The following RNLS variants were observed in gnomAD, a reference collection of about 807,000 sequenced individuals.
RNLS encodes renalase, FAD dependent amine oxidase.
A neutral mutation model predicts 39.8 loss-of-function variants in RNLS; 39 were observed. That is an observed-to-expected ratio of 0.98 (90% CI 0.76 to 1.28). The LOEUF (loss-of-function observed/expected upper bound fraction) is 1.28, where lower values mean the gene tolerates loss of function less well. RNLS is among the 50% of genes most tolerant of loss of function. The pLI, the probability that RNLS is intolerant of heterozygous loss-of-function variation, is 0.00. For missense variants in RNLS, 410 were observed against 413.3 expected (o/e 0.99, Z 0.07); for synonymous variants, 147 against 150.7 (o/e 0.98, Z 0.18).
At chr10:88,365,844 A>G (rs1343276959) in intron 4 of RNLS, among the ~76,000 whole-genome samples, 1 of 152,080 alleles carries the variant, frequency 6.6e-6, no homozygotes, top group African/African-American at 2.4e-5. Flanking sequence ...CTCCTGAATA[A>G]CACTGAGTAA....
intron 5 of RNLS, among the ~76,000 whole-genome samples, chr10:88,330,622 G>A (rs926796176): frequency 6.6e-6 from 1 of 152,022 alleles, no homozygotes; most frequent in African/African-American, 2.4e-5. Flanking sequence ...TTATTAGAAA[G>A]AAGGAAAACA....
chr10:88,418,294 A>C (rs919828673), intron 4 of RNLS, among the ~76,000 whole-genome samples: 1 of 152,182 alleles, frequency 6.6e-6, no homozygotes, highest in Non-Finnish European at 1.5e-5. Flanking sequence ...AGGAAATAAA[A>C]GCTCAGAGGT....
chr10:88,336,369 G>A (rs561497657), intron 5 of RNLS, among the ~76,000 whole-genome samples: 53 of 152,172 alleles, frequency 3.5e-4, no homozygotes, highest in African/African-American at 1.2e-3. Flanking sequence ...GTTTGTAATC[G>A]TTGTTATTCA....
At chr10:88,186,609 G>A in the RNLS span, among the ~76,000 whole-genome samples, 5 of 152,158 alleles carry the variant, frequency 3.3e-5, no homozygotes, top group Admixed American at 2.0e-4. Flanking sequence ...GCTGGGTAAA[G>A]CACATTGCAA....
chr10:88,176,916 T>C, the RNLS span, among the ~76,000 whole-genome samples: 1 of 152,248 alleles, frequency 6.6e-6, no homozygotes, highest in Non-Finnish European at 1.5e-5. Flanking sequence ...AATATATCAT[T>C]TCATTCTTTC....
At chr10:88,536,782 T>G (rs1847785481) in intron 4 of RNLS, among the ~76,000 whole-genome samples, 2 of 152,270 alleles carry the variant, frequency 1.3e-5, no homozygotes, top group African/African-American at 4.8e-5. Context: ...CACTACCCTA[T>G]CCTTCACAGC....
At chr10:88,421,024 A>T (rs953784400) in intron 4 of RNLS, among the ~76,000 whole-genome samples, 2 of 152,222 alleles carry the variant, frequency 1.3e-5, no homozygotes, top group Admixed American at 6.5e-5. Flanking sequence ...TGCTGAGACC[A>T]CTGAGGAACG....
intron 4 of RNLS, among the ~76,000 whole-genome samples, chr10:88,531,039 G>GA (rs1213317749): frequency 3.3e-5 from 5 of 151,836 alleles, no homozygotes; most frequent in South Asian, 2.1e-4. Context: ...AGATGGGAAG[G>GA]AAAAAAAGTT....
chr10:88,560,351 A>C (rs1319902794), intron 4 of RNLS, among the ~76,000 whole-genome samples: 1 of 152,012 alleles, frequency 6.6e-6, no homozygotes, highest in Non-Finnish European at 1.5e-5. Context: ...ATGATCTTAC[A>C]TTTAAAGAAG....
chr10:88,213,535 A>G, the RNLS span, among the ~76,000 whole-genome samples: 1 of 152,104 alleles, frequency 6.6e-6, no homozygotes, highest in South Asian at 2.1e-4. Flanking sequence ...GCAGATATAA[A>G]ACATCTGTCT....
chr10:88,541,130 T>C (rs780532115), intron 4 of RNLS, among the ~76,000 whole-genome samples: 16 of 152,298 alleles, frequency 1.1e-4, no homozygotes, highest in African/African-American at 3.4e-4. Flanking sequence ...ATTTCTGTTA[T>C]ATAGAAAGGA....
At chr10:88,365,636 T>C (rs556172084) in intron 4 of RNLS, among the ~76,000 whole-genome samples, 1 of 151,968 alleles carries the variant, frequency 6.6e-6, no homozygotes, top group African/African-American at 2.4e-5. Context: ...TTTATGACTA[T>C]GAGTAAAATG....
chr10:88,518,132 T>C (rs1846512242), intron 4 of RNLS, among the ~76,000 whole-genome samples: 1 of 151,960 alleles, frequency 6.6e-6, no homozygotes, highest in Non-Finnish European at 1.5e-5. Flanking sequence ...CTAGTCTTTT[T>C]GTCTTTAATC....
intron 4 of RNLS, among the ~76,000 whole-genome samples, chr10:88,470,804 C>T (rs113094516): frequency 1.3e-4 from 20 of 151,828 alleles, no homozygotes; most frequent in South Asian, 6.2e-4. Context: ...TTAGTAGAGA[C>T]GGGGTTTCAC....
chr10:88,485,385 G>T (rs868688227), intron 4 of RNLS, among the ~76,000 whole-genome samples: 1 of 151,474 alleles, frequency 6.6e-6, no homozygotes, highest in Non-Finnish European at 1.5e-5. Context: ...AGTTGTTCTG[G>T]AACAACTGGA....
Position 88,447,622 on chromosome 10 carries a change from C to T in RNLS, c.527-84897G>A, listed in dbSNP as rs553490115. On this transcript the variant is annotated intron_variant, in intron 4 of 6. Coordinates refer to ENST00000331772, the MANE Select transcript of RNLS (RefSeq NM_001031709.3). ...AGACTCAATGCCATCCCCATCAAAC[C>T]ACCAATGACTTTCTTCACAGAATTG... is the stretch of plus-strand genomic sequence containing the variant. Among the ~76,000 whole-genome samples, 112 of 152,206 alleles carry T rather than the reference C, an allele frequency of 7.4e-4. 1 individual carries two copies. The highest frequency in any genetic ancestry group is 7.1e-3 in the South Asian group (34 of 4,816).
At chr10:88,505,508 G>A (rs1306753805) in intron 4 of RNLS, among the ~76,000 whole-genome samples, 2 of 151,678 alleles carry the variant, frequency 1.3e-5, no homozygotes, top group Non-Finnish European at 2.9e-5. Flanking sequence ...GAAAGTAGGG[G>A]AGAGAGAAAA....
At position 88,284,194 on chromosome 10, in the gene RNLS, C is replaced by T; in HGVS notation, c.*1160G>A. The T allele has an allele frequency of 1.0e-6, 1 of 985,270 alleles. No homozygotes were observed. The highest frequency in any genetic ancestry group is 4.7e-5 in the South Asian group (1 of 21,284). The allele number at this position is 985,270 out of a possible 1,614,324, so 61.0% of individuals were successfully genotyped here. ...AAAACCCACTTTGCAGCTATAGAAG[C>T]AAGTTCTGCCTGTGCCTGTGTATGT... On this transcript the variant is annotated 3_prime_UTR_variant, in exon 7 of 7. Transcript: ENST00000331772.
At chr10:88,220,194 T>C in the RNLS span, among the ~76,000 whole-genome samples, 1 of 152,218 alleles carries the variant, frequency 6.6e-6, no homozygotes, top group Non-Finnish European at 1.5e-5. Context: ...TTCATATGAA[T>C]GAGTTGTGGC....
Sources: allele counts gnomAD v4.1 joint callset (sites outside exome capture counted in the v4.1 genomes callset), GRCh38; gene constraint gnomAD v4.1.1; transcripts MANE v1.5; gene names NCBI Gene and HGNC (gene_info 2026-07-23, HGNC 2026-07-21).